Variants in COMMD6 observed in about 807,000 individuals in gnomAD.
The protein encoded by COMMD6 is COMM domain-containing protein 6.
In COMMD6, 11 loss-of-function variants were observed where a neutral mutation model predicts 13.4. That is an observed-to-expected ratio of 0.82 (90% CI 0.52 to 1.36). The LOEUF is 1.36. Ranked by LOEUF, COMMD6 falls within the 40% of genes most tolerant of loss-of-function variation. The probability of loss-of-function intolerance (pLI) is 0.00; values close to 1 mark genes in which losing one functional copy is unlikely to be tolerated. For synonymous variants in COMMD6, 43 were observed against 36.5 expected, an observed-to-expected ratio of 1.18 and a Z score of -0.64; for missense variants, 124 against 102.4, an observed-to-expected ratio of 1.21 and a Z score of -0.91.
chr13:75,535,476 C>T (rs534725295), intron 2 of COMMD6, among the ~76,000 whole-genome samples: 2 of 152,232 alleles, frequency 1.3e-5, no homozygotes, highest in African/African-American at 2.4e-5. Context: ...AAGAGAATGG[C>T]GGCTTGGACC....
intron 1 of COMMD6, among the ~76,000 whole-genome samples, chr13:75,545,813 G>A (rs1191341590): frequency 6.6e-6 from 1 of 152,014 alleles, no homozygotes; most frequent in African/African-American, 2.4e-5. Flanking sequence ...GGTAGTAGTC[G>A]TGACTCAGTT....
chr13:75,533,416 A>G (rs542900143), intron 2 of COMMD6, among the ~76,000 whole-genome samples: 1 of 152,012 alleles, frequency 6.6e-6, no homozygotes. Flanking sequence ...AAAAGTACAA[A>G]AAGTAGCCAG....
rs1381595257 is a variant in COMMD6, at chr13:75,525,335, GA to G, written c.*1253del. 6.6e-6 allele frequency: 1 copy of G among 152,248 alleles called. No homozygotes were observed. The highest frequency in any genetic ancestry group is 1.5e-5 in the Non-Finnish European group (1 of 68,052). 9.4% of individuals were successfully genotyped at this position (152,248 alleles called of 1,614,324 possible). The stretch of plus-strand genomic sequence containing the variant: ...ATGCTACCCTGCAAACAGGGAAGGG[GA>G]AAGAGGAAGGTGTTAATCCGAAGTA... On this transcript the variant is annotated 3_prime_UTR_variant, in exon 4 of 4. Transcript: ENST00000682242.
chr13:75,544,944 A>AAAAAC (rs1428087018), intron 1 of COMMD6, among the ~76,000 whole-genome samples: 18 of 131,366 alleles, frequency 1.4e-4, no homozygotes, highest in Admixed American at 5.4e-4. Flanking sequence ...AAAAAAAAAC[A>AAAAAC]AAAAACAAGA....
At chr13:75,541,825 G>A (rs2030827694), upstream of COMMD6, among the ~76,000 whole-genome samples, 1 of 152,046 alleles carries the variant, frequency 6.6e-6, no homozygotes, top group African/African-American at 2.4e-5. Context: ...GCAGAATAAT[G>A]GCCCCCCAAA....
At chr13:75,527,771 G>T in intron 3 of COMMD6, 1 of 1,403,972 alleles carries the variant, frequency 7.1e-7, no homozygotes, top group Non-Finnish European at 9.3e-7. Context: ...CTAATACTGC[G>T]TGATCTCACT....
intron 2 of COMMD6, chr13:75,530,520 C>T (rs1387808180): frequency 7.4e-6 from 2 of 270,744 alleles, no homozygotes; most frequent in African/African-American, 4.4e-5. Context: ...AAAAAAAAAT[C>T]TCCCCTCCAA....
At chr13:75,539,241 T>C (rs1306442490), upstream of COMMD6, among the ~76,000 whole-genome samples, 1 of 151,954 alleles carries the variant, frequency 6.6e-6, no homozygotes, top group Non-Finnish European at 1.5e-5. Context: ...TTTTTTTTTT[T>C]TGAGACAGAG....
upstream of COMMD6, among the ~76,000 whole-genome samples, chr13:75,543,526 G>C (rs1368085749): frequency 6.6e-6 from 1 of 152,180 alleles, no homozygotes; most frequent in Non-Finnish European, 1.5e-5. Flanking sequence ...ATGGTAATTT[G>C]TTATAGCAGC....
intron 2 of COMMD6, among the ~76,000 whole-genome samples, chr13:75,533,232 G>A (rs180870653): frequency 1.1e-3 from 166 of 151,550 alleles, no homozygotes; most frequent in African/African-American, 3.6e-3. Context: ...GCACCCGGCC[G>A]AAAGTTTTTC....
upstream of COMMD6, among the ~76,000 whole-genome samples, chr13:75,539,025 C>T (rs35128936): frequency 0.044 from 6,706 of 152,104 alleles, 517 homozygotes; most frequent in African/African-American, 0.15. Flanking sequence ...CATTCCTTGG[C>T]TTGTGGCTCC....
chr13:75,548,987 G>A (rs971493536), intron 1 of COMMD6, among the ~76,000 whole-genome samples: 1 of 152,114 alleles, frequency 6.6e-6, no homozygotes, highest in Non-Finnish European at 1.5e-5. Flanking sequence ...TCTCTGCCTA[G>A]GTAAAGTCTA....
chr13:75,531,153 T>C (rs2030465189), intron 2 of COMMD6, among the ~76,000 whole-genome samples: 1 of 152,194 alleles, frequency 6.6e-6, no homozygotes, highest in Non-Finnish European at 1.5e-5. Flanking sequence ...TGTTAATACA[T>C]TTCTTCTTGG....
intron 1 of COMMD6, among the ~76,000 whole-genome samples, chr13:75,544,859 G>T (rs185439457): frequency 1.3e-5 from 2 of 149,012 alleles, no homozygotes; most frequent in African/African-American, 4.9e-5. Flanking sequence ...CTGGGAGGCG[G>T]AGGTTGCCAT....
intron 1 of COMMD6, chr13:75,549,208 G>A (rs2030975168): frequency 1.3e-5 from 2 of 153,246 alleles, no homozygotes; most frequent in African/African-American, 2.4e-5. Context: ...GTGATTTCTA[G>A]TACTCGACAT....
upstream of COMMD6, among the ~76,000 whole-genome samples, chr13:75,538,532 TGTAC>T (rs2030761406): frequency 6.6e-6 from 1 of 152,208 alleles, no homozygotes; most frequent in Non-Finnish European, 1.5e-5. Flanking sequence ...CTGTTCGCAT[TGTAC>T]ATATTTGCTT....
upstream of COMMD6, among the ~76,000 whole-genome samples, chr13:75,541,832 C>T (rs1013891051): frequency 3.9e-5 from 6 of 152,114 alleles, no homozygotes; most frequent in African/African-American, 1.4e-4. Flanking sequence ...AATGGCCCCC[C>T]AAATATGTTA....
At chr13:75,536,600 G>A (rs1007730915) in intron 2 of COMMD6, among the ~76,000 whole-genome samples, 14 of 152,304 alleles carry the variant, frequency 9.2e-5, no homozygotes, top group African/African-American at 2.6e-4. Context: ...CGGAAGCAGA[G>A]GCTGGAATGA....
In COMMD6 at chr13:75,526,585, G is replaced by T; in HGVS notation, c.*4C>A. Reference sequence around the variant, plus strand: ...TAGCAATTTATCAACCAAAGAATCCGTCTTCACACCGTTTCAATAACTGCA... The same window carrying T: ...TAGCAATTTATCAACCAAAGAATCCTTCTTCACACCGTTTCAATAACTGCA... On this transcript the variant is annotated 3_prime_UTR_variant, in exon 4 of 4. Transcript: ENST00000682242. The T allele has an allele frequency of 6.3e-7, 1 of 1,597,288 alleles. No homozygotes were observed.
Sources: allele counts gnomAD v4.1 joint callset (sites outside exome capture counted in the v4.1 genomes callset), GRCh38; gene constraint gnomAD v4.1.1; transcripts MANE v1.5; gene names NCBI Gene and HGNC (gene_info 2026-07-23, HGNC 2026-07-21).